Variants in SYNPO observed in about 807,000 individuals in gnomAD.
The protein encoded by SYNPO is synaptopodin.
SYNPO carries 19 observed loss-of-function variants against 49.5 expected under a neutral mutation model. The observed-to-expected ratio is 0.38, with a 90% CI of 0.27 to 0.56. The LOEUF is 0.56. SYNPO is among the 20% of genes least tolerant of loss of function. The probability of loss-of-function intolerance (pLI) is 0.68; values close to 1 mark genes in which losing one functional copy is unlikely to be tolerated. For synonymous variants in SYNPO, 536 were observed against 548.0 expected, an observed-to-expected ratio of 0.98 and a Z score of 0.31; for missense variants, 1,131 against 1,248.3, an observed-to-expected ratio of 0.91 and a Z score of 1.42.
At chr5:150,629,111 T>G (rs935700949) in intron 2 of SYNPO, among the ~76,000 whole-genome samples, 9 of 152,276 alleles carry the variant, frequency 5.9e-5, no homozygotes, top group African/African-American at 2.2e-4. Flanking sequence ...CTCGACCTCC[T>G]GGGCTCAAGT....
chr5:150,622,122 G>A (rs1757201196), intron 2 of SYNPO, among the ~76,000 whole-genome samples: 1 of 152,250 alleles, frequency 6.6e-6, no homozygotes, highest in Admixed American at 6.5e-5. Context: ...GCCCAGCACT[G>A]TGCTAAATGC....
upstream of SYNPO, among the ~76,000 whole-genome samples, chr5:150,639,535 G>A (rs1256743852): frequency 6.6e-6 from 1 of 152,188 alleles, no homozygotes; most frequent in Non-Finnish European, 1.5e-5. Flanking sequence ...CAGAAGGAAG[G>A]CGTCCAGGCT....
chr5:150,648,642 C>G lies in SYNPO; in HGVS notation c.367C>G (p.Leu123Val). ...SIQQNSSEAQLPSNGTGPASK... is the reference protein window; with the variant it reads ...SIQQNSSEAQVPSNGTGPASK... Reference sequence around the variant, plus strand: ...CCAACAGAATTCCTCAGAGGCCCAACTCCCATCTAATGGCACAGGGCCTGC... The same window carrying G: ...CCAACAGAATTCCTCAGAGGCCCAAGTCCCATCTAATGGCACAGGGCCTGC... Residue 123 changes from leucine to valine, a missense_variant, in exon 2 of 3, where the codon CTC becomes GTC. Transcript: ENST00000307662. The surrounding 1 kb of genome is among the most constrained non-coding windows in gnomAD (Gnocchi z 5.0). 2 of 1,614,228 alleles carry G rather than the reference C, an allele frequency of 1.2e-6. No homozygotes were observed. The highest frequency in any genetic ancestry group is 1.7e-6 in the Non-Finnish European group (2 of 1,180,048).
At chr5:150,598,949 G>A (rs552683774), upstream of SYNPO, among the ~76,000 whole-genome samples, 3 of 152,316 alleles carry the variant, frequency 2.0e-5, no homozygotes, top group East Asian at 5.8e-4. Flanking sequence ...ATCCCCTCTA[G>A]CCCCTCATAT....
At chr5:150,595,656 A>G in the SYNPO span, among the ~76,000 whole-genome samples, 1 of 152,220 alleles carries the variant, frequency 6.6e-6, no homozygotes, top group African/African-American at 2.4e-5. Flanking sequence ...ATCAAGATGT[A>G]ATTTTCTCCG....
At chr5:150,613,689 TG>T (rs1376046032) in intron 1 of SYNPO, among the ~76,000 whole-genome samples, 1 of 152,118 alleles carries the variant, frequency 6.6e-6, no homozygotes, top group Non-Finnish European at 1.5e-5. Context: ...CCATGGGCAG[TG>T]GGGCCTTTGG....
chr5:150,651,239 G>T, intron 2 of SYNPO: 5 of 1,003,092 alleles, frequency 5.0e-6, no homozygotes, highest in Non-Finnish European at 6.0e-6. Context: ...CTGACTAAAA[G>T]AAGCCACCTC....
chr5:150,609,786 C>CGGT (rs556541438), intron 1 of SYNPO, among the ~76,000 whole-genome samples: 62 of 105,416 alleles, frequency 5.9e-4, no homozygotes, highest in African/African-American at 1.9e-3. Context: ...GTGAATGTGG[C>CGGT]GGGGGGGGGC....
upstream of SYNPO, among the ~76,000 whole-genome samples, chr5:150,637,264 C>G (rs547984322): frequency 9.8e-5 from 15 of 152,286 alleles, no homozygotes; most frequent in Non-Finnish European, 2.2e-4. Context: ...TGGAAACCCA[C>G]AATCCACTCA....
chr5:150,624,607 C>G (rs1757284219), intron 2 of SYNPO: 1 of 153,050 alleles, frequency 6.5e-6, no homozygotes, highest in Admixed American at 6.6e-5. Context: ...AGTCGCACCC[C>G]CAGGGCTGGG....
Position 150,657,149 on chromosome 5 carries a change from G to A in SYNPO, c.*62G>A. On this transcript the variant is annotated 3_prime_UTR_variant, in exon 3 of 3. Coordinates refer to ENST00000307662, the MANE Select transcript of SYNPO (RefSeq NM_007286.6). ...CAGAAGAAGGCTCATTAGACCTGGG[G>A]GACCCAAAGGGTCTGGCCTCTTTGG... is the stretch of plus-strand genomic sequence containing the variant. 1 of 1,502,168 alleles carries A rather than the reference G, an allele frequency of 6.7e-7. No individual in the cohort carries two copies. The allele number at this position is 1,502,168 out of a possible 1,614,324, so 93.1% of individuals were successfully genotyped here. A position where few individuals can be genotyped will look rare whatever the true frequency, so the allele number is the denominator to read the frequency against.
Position 150,657,372 on chromosome 5 carries a change from C to T in SYNPO, c.*285C>T. 1 of 474,984 alleles carries T rather than the reference C, an allele frequency of 2.1e-6. No individual in the cohort carries two copies. Among genetic ancestry groups the T allele is most frequent in the Non-Finnish European group, 3.8e-6 (1 of 261,080 alleles). The allele number at this position is 474,984 out of a possible 1,614,324, so 29.4% of individuals were successfully genotyped here. On this transcript the variant is annotated 3_prime_UTR_variant, in exon 3 of 3. Transcript: ENST00000307662. ...AGGCAATCCACAAACGTCAAAATTC[C>T]CCTTCCCATCAGTACACACACCGAT... is the stretch of plus-strand genomic sequence containing the variant.
intron 1 of SYNPO, among the ~76,000 whole-genome samples, chr5:150,611,505 C>T (rs1561634095): frequency 6.6e-6 from 1 of 152,216 alleles, no homozygotes; most frequent in Non-Finnish European, 1.5e-5. Flanking sequence ...AACCTCTCAC[C>T]ACTACCTCGT....
intron 2 of SYNPO, among the ~76,000 whole-genome samples, chr5:150,654,802 G>A (rs1211724647): frequency 1.3e-5 from 2 of 152,202 alleles, no homozygotes; most frequent in Admixed American, 1.3e-4. Flanking sequence ...AATGGTTTGG[G>A]GCTGAGAGGG....
intron 1 of SYNPO, chr5:150,615,111 C>T (rs1469263799): frequency 3.9e-5 from 6 of 152,210 alleles, no homozygotes; most frequent in Non-Finnish European, 7.3e-5. Flanking sequence ...GTCCCGACCC[C>T]CACAGCTCCT....
chr5:150,629,946 C>T (rs1162343524), intron 2 of SYNPO, among the ~76,000 whole-genome samples: 1 of 152,098 alleles, frequency 6.6e-6, no homozygotes, highest in Non-Finnish European at 1.5e-5. Context: ...CTCTCCCACA[C>T]TAGATGGAGT....
At chr5:150,620,424 T>C (rs1757116324) in intron 2 of SYNPO, among the ~76,000 whole-genome samples, 1 of 152,236 alleles carries the variant, frequency 6.6e-6, no homozygotes, top group Non-Finnish European at 1.5e-5. Context: ...AGGGACATAC[T>C]TTTATTATTT....
rs867497176 is a variant in SYNPO, at chr5:150,609,062, C to T, written c.-266+7874C>T. 2.6e-5 allele frequency among the ~76,000 whole-genome samples: 4 copies of T among 152,082 alleles called. No individual in the cohort carries two copies. The South Asian group carries it at 6.2e-4, about 24-fold the overall frequency. On this transcript the variant is annotated intron_variant, in intron 1 of 2. Coordinates refer to the SYNPO transcript ENST00000394243. ...GTGGATAAATGTCTAACAACTTGCT[C>T]TCTGGAGAAAAAAAAGCTTTGATTT...
At chr5:150,605,846 G>C (rs914781016) in intron 1 of SYNPO, among the ~76,000 whole-genome samples, 1 of 149,750 alleles carries the variant, frequency 6.7e-6, no homozygotes, top group Non-Finnish European at 1.5e-5. Flanking sequence ...AGGCACAAAC[G>C]CACGACAGTC....
Sources: allele counts gnomAD v4.1 joint callset (sites outside exome capture counted in the v4.1 genomes callset), GRCh38; gene constraint gnomAD v4.1.1; non-coding constraint Gnocchi (gnomAD v3.1); transcripts MANE v1.5; gene names NCBI Gene and HGNC (gene_info 2026-07-23, HGNC 2026-07-21).